GDA: variants seen among roughly 807,000 people sequenced by gnomAD.
GDA encodes the protein guanine deaminase.
Under a neutral mutation model 59.6 loss-of-function variants are expected in GDA, and 18 were observed. The ratio of observed to expected loss-of-function variants is 0.30; its 90% CI spans 0.21 to 0.45. GDA has a LOEUF of 0.45. GDA is among the 20% of genes least tolerant of loss of function. The pLI is 1.00. For synonymous variants in GDA, 201 were observed against 201.1 expected, an observed-to-expected ratio of 1.00 and a Z score of 0.00; for missense variants, 427 against 552.3, an observed-to-expected ratio of 0.77 and a Z score of 2.27.
At position 72,171,481 on chromosome 9, in the gene GDA, C is replaced by T. The variant is rs555510158; in HGVS notation, c.123+21799C>T. 2.6e-5 allele frequency among the ~76,000 whole-genome samples: 4 copies of T among 152,120 alleles called. No individual in the cohort carries two copies. In the East Asian group the frequency reaches 7.7e-4, roughly 29 times the overall value. On this transcript the variant is annotated intron_variant, in intron 1 of 13. Coordinates refer to ENST00000358399, the MANE Select transcript of GDA (RefSeq NM_004293.5). The stretch of plus-strand genomic sequence containing the variant: ...GTTTGTTCCTTTTGATTTTGGTGAC[C>T]TATTTTTTATGGGTTCAATTTTGGT...
At chr9:72,225,647 A>T (rs1280837547) in intron 7 of GDA, 30 bp from the exon 8 acceptor site, 1 of 1,038,578 alleles carries the variant, frequency 9.6e-7, no homozygotes, top group Middle Eastern at 2.1e-4. Context: ...TTTACAGAAG[A>T]AAAATGAAAA....
At chr9:72,133,304 A>AAT (rs1564150802) in intron 1 of GDA, among the ~76,000 whole-genome samples, 1 of 141,728 alleles carries the variant, frequency 7.1e-6, no homozygotes, top group African/African-American at 2.5e-5. Flanking sequence ...AAAAAAAAAA[A>AAT]AAAAAATAAT....
chr9:72,204,354 G>A (rs13284274), intron 3 of GDA, among the ~76,000 whole-genome samples: 6,619 of 152,014 alleles, frequency 0.044, 206 homozygotes, highest in African/African-American at 0.077. Context: ...TGAAAATTGC[G>A]TAGTATACAA....
At chr9:72,119,747 T>C (rs1231851803) in intron 1 of GDA, among the ~76,000 whole-genome samples, 1 of 152,194 alleles carries the variant, frequency 6.6e-6, no homozygotes, top group Non-Finnish European at 1.5e-5. Context: ...TAATCAAATG[T>C]CATTATTTAT....
intron 10 of GDA, among the ~76,000 whole-genome samples, chr9:72,233,721 T>C (rs1338758859): frequency 6.6e-6 from 1 of 152,096 alleles, no homozygotes; most frequent in African/African-American, 2.4e-5. Context: ...GCAGGAGGAT[T>C]GCTTGAGCTC....
chr9:72,231,273 A>T (rs891893338), intron 10 of GDA, 92 bp downstream of exon 10: 4 of 404,226 alleles, frequency 9.9e-6, no homozygotes, highest in Non-Finnish European at 1.3e-5. Flanking sequence ...GTTCTGTTTA[A>T]AAAAAAAAAA....
At chr9:72,139,498 G>C (rs928875242) in intron 1 of GDA, among the ~76,000 whole-genome samples, 3 of 152,116 alleles carry the variant, frequency 2.0e-5, no homozygotes, top group African/African-American at 7.2e-5. Flanking sequence ...AGATCTAAGG[G>C]AAGAGAAGTC....
intron 1 of GDA, among the ~76,000 whole-genome samples, chr9:72,187,201 A>C (rs1316352219): frequency 6.6e-6 from 1 of 152,196 alleles, no homozygotes; most frequent in East Asian, 1.9e-4. Context: ...CTATGGTTTG[A>C]ATGTTTGTCC....
chr9:72,122,335 C>A (rs1317322933), intron 1 of GDA, among the ~76,000 whole-genome samples: 1 of 152,160 alleles, frequency 6.6e-6, no homozygotes, highest in African/African-American at 2.4e-5. Context: ...TCTGGGCATT[C>A]ATCTCTTTGA....
At chr9:72,235,703 A>G (rs764904859) in intron 10 of GDA, among the ~76,000 whole-genome samples, 1 of 151,820 alleles carries the variant, frequency 6.6e-6, no homozygotes, top group Non-Finnish European at 1.5e-5. Context: ...AAAAAAAAAA[A>G]TTCCTTGTCT....
At chr9:72,219,538 ATTGCCTTTGCATTAGCTGTAGGAT>A (rs749644308) in intron 6 of GDA, 32 bp downstream of exon 6, 74 of 1,546,620 alleles carry the variant, frequency 4.8e-5, no homozygotes, top group Admixed American at 7.0e-5. Context: ...TCGCTTTTAG[ATTGCCTTTGCATTAGCTGTAGGAT>A]TCATAAAGTT....
Position 72,249,801 on chromosome 9 carries a change from C to G in GDA, c.*1459C>G, listed in dbSNP as rs1234986274. 2 of 871,396 alleles carry G rather than the reference C, an allele frequency of 2.3e-6. No individual in the cohort carries two copies. The highest frequency in any genetic ancestry group is 2.8e-6 in the Non-Finnish European group (2 of 726,236). 54.0% of individuals were successfully genotyped at this position (871,396 alleles called of 1,614,324 possible). A position where few individuals can be genotyped will look rare whatever the true frequency, so the allele number is the denominator to read the frequency against. On this transcript the variant is annotated 3_prime_UTR_variant, in exon 14 of 14. Transcript: ENST00000358399. ...CTTTAATATTACCTTATAGTAGAAA[C>G]TTTATGTAATATAGCTAACTCCGTA...
chr9:72,133,854 G>A (rs944522723), intron 1 of GDA, among the ~76,000 whole-genome samples: 1 of 152,200 alleles, frequency 6.6e-6, no homozygotes, highest in Non-Finnish European at 1.5e-5. Flanking sequence ...AGAACCCACT[G>A]TGCGGACTGA....
intron 1 of GDA, among the ~76,000 whole-genome samples, chr9:72,153,221 G>T (rs1364717897): frequency 1.3e-5 from 2 of 151,776 alleles, no homozygotes; most frequent in Non-Finnish European, 2.9e-5. Flanking sequence ...AAGTCAGGTA[G>T]CGTGATGCCT....
intron 1 of GDA, among the ~76,000 whole-genome samples, chr9:72,130,995 G>C (rs1228905235): frequency 6.6e-6 from 1 of 152,230 alleles, no homozygotes; most frequent in East Asian, 1.9e-4. Flanking sequence ...CAGCTGCCAT[G>C]TGTCAGGCAT....
chr9:72,136,967 G>T (rs141344735), intron 1 of GDA, among the ~76,000 whole-genome samples: 37 of 151,674 alleles, frequency 2.4e-4, no homozygotes, highest in African/African-American at 8.5e-4. Flanking sequence ...TGGCAGACAG[G>T]GTGAGACTCC....
At chr9:72,158,693 C>T (rs1293177553) in intron 1 of GDA, among the ~76,000 whole-genome samples, 1 of 151,938 alleles carries the variant, frequency 6.6e-6, no homozygotes, top group Non-Finnish European at 1.5e-5. Context: ...AGTAGTTATT[C>T]CAATTTGCCT....
At position 72,202,926 on chromosome 9, in the gene GDA, G is replaced by A. The variant is rs566312919; in HGVS notation, c.384+184G>A. ...CACCTCACCTACACAGCTAGTCAGTGGCAAAGAGAGAATTTGAATCCAAGT... is the reference window on the plus strand; with the variant it reads ...CACCTCACCTACACAGCTAGTCAGTAGCAAAGAGAGAATTTGAATCCAAGT... On this transcript the variant is annotated intron_variant, in intron 3 of 13. Coordinates refer to ENST00000358399, the MANE Select transcript of GDA (RefSeq NM_004293.5). 7.2e-5 allele frequency among the ~76,000 whole-genome samples: 11 copies of A among 152,308 alleles called. No individual in the cohort carries two copies. In the South Asian group the frequency reaches 2.3e-3, roughly 32 times the overall value.
chr9:72,248,371 G>A lies in GDA; in HGVS notation c.*29G>A. Reference sequence around the variant, plus strand: ...CCTCGGGCGTCTACAAAGTTCTCCTGGGATTAGCGTGGTTCTGCATCTCCC... The same window carrying A: ...CCTCGGGCGTCTACAAAGTTCTCCTAGGATTAGCGTGGTTCTGCATCTCCC... On this transcript the variant is annotated 3_prime_UTR_variant, in exon 14 of 14. Transcript: ENST00000358399. 2 of 1,613,318 alleles carry A rather than the reference G, an allele frequency of 1.2e-6. No homozygotes were observed. The highest frequency in any genetic ancestry group is 1.7e-6 in the Non-Finnish European group (2 of 1,179,452).
Sources: gnomAD v4.1 joint callset for allele counts (sites outside exome capture counted in the v4.1 genomes callset) on GRCh38, gnomAD v4.1.1 for gene constraint, MANE v1.5 for transcripts, NCBI Gene and HGNC (gene_info 2026-07-23, HGNC 2026-07-21) for gene names.